NOVA1: variants seen among roughly 807,000 people sequenced by gnomAD.
NOVA1 encodes NOVA alternative splicing regulator 1, also known as RNA-binding protein Nova-1.
Under a neutral mutation model 38.0 loss-of-function variants are expected in NOVA1, and 7 were observed. The ratio of observed to expected loss-of-function variants is 0.18; its 90% CI spans 0.10 to 0.35. The LOEUF (loss-of-function observed/expected upper bound fraction) is 0.35, where lower values mean the gene tolerates loss of function less well. NOVA1 is among the 10% of genes least tolerant of loss of function. The pLI is 1.00. For synonymous variants in NOVA1, 270 were observed against 232.5 expected (o/e 1.16, Z -1.47); for missense variants, 460 against 616.0 (o/e 0.75, Z 2.68).
chr14:26,572,093 A>T (rs1304398270), intron 2 of NOVA1, among the ~76,000 whole-genome samples: 1 of 152,190 alleles, frequency 6.6e-6, no homozygotes, highest in Non-Finnish European at 1.5e-5. Flanking sequence ...TTTAATAATC[A>T]AAATGAATGG....
chr14:26,500,889 T>C (rs1273045), intron 2 of NOVA1, among the ~76,000 whole-genome samples: 1 of 151,840 alleles, frequency 6.6e-6, no homozygotes, highest in Admixed American at 6.6e-5. Flanking sequence ...ATGAAAAAAA[T>C]ATATCTCTGG....
In NOVA1 at chr14:26,597,716, GAAGA is replaced by G. The variant is rs1261617626; in HGVS notation, c.-284_-281del. ...TGAGAGACGGAGGGTGAAAGAAGAA[GAAGA>G]AAGGAGACAGGGGGAGAGAGTGGAG... On this transcript the variant is annotated 5_prime_UTR_variant, in exon 1 of 5. Coordinates refer to ENST00000539517, the MANE Select transcript of NOVA1 (RefSeq NM_002515.3). 1.8e-6 allele frequency: 2 copies of G among 1,087,590 alleles called. No homozygotes were observed. Among genetic ancestry groups the G allele is most frequent in the East Asian group, 5.6e-5 (1 of 17,998 alleles). The allele number at this position is 1,087,590 out of a possible 1,614,324, so 67.4% of individuals were successfully genotyped here.
Position 26,448,607 on chromosome 14 carries a change from A to G in NOVA1, c.876T>C (p.Ala292=). Residue 292 remains alanine (A), a synonymous_variant, in exon 5 of 5, where the codon GCT becomes GCC. Transcript: ENST00000539517. The surrounding 1 kb of genome is among the most constrained non-coding windows in gnomAD (Gnocchi z 5.3). The part of the protein sequence containing the change: ...AAAAAGLLGH[A]NLAGVAAFPA... ...GAAAGGCTGCAACGCCAGCAAGGTT[A>G]GCATGTCCTAATAGCCCTGCAGCTG... is the stretch of plus-strand genomic sequence containing the variant. 2 of 1,614,240 alleles carry G rather than the reference A, an allele frequency of 1.2e-6. No homozygotes were observed. Among genetic ancestry groups the G allele is most frequent in the East Asian group, 4.5e-5 (2 of 44,888 alleles).
At chr14:26,519,912 ATGGGGTACAT>A (rs561829463) in intron 2 of NOVA1, among the ~76,000 whole-genome samples, 241 of 152,264 alleles carry the variant, frequency 1.6e-3, no homozygotes, top group African/African-American at 5.4e-3. Context: ...ATAATGAAGA[ATGGGGTACAT>A]TTTCTGTTGA....
chr14:26,527,908 A>G (rs1211469989), intron 2 of NOVA1, among the ~76,000 whole-genome samples: 1 of 152,214 alleles, frequency 6.6e-6, no homozygotes, highest in East Asian at 1.9e-4. Context: ...GGCAAGAGGT[A>G]CAATGAAAGA....
In NOVA1 at chr14:26,517,036, G is replaced by C. The variant is rs373020145; in HGVS notation, c.281-36893C>G. On this transcript the variant is annotated intron_variant, in intron 2 of 4. Coordinates refer to ENST00000539517, the MANE Select transcript of NOVA1 (RefSeq NM_002515.3). ...TTCTCCTGCCTCAGCCTTCCGAGTA[G>C]CTGGGACTACAGGTATGTGCCACCA... Among the ~76,000 whole-genome samples, 11 of 151,820 alleles carry C rather than the reference G, an allele frequency of 7.2e-5. No homozygotes were observed. In the East Asian group the frequency reaches 2.1e-3, roughly 30 times the overall value.
intron 4 of NOVA1, among the ~76,000 whole-genome samples, chr14:26,456,196 T>C (rs1302837992): frequency 6.6e-6 from 1 of 152,052 alleles, no homozygotes; most frequent in Non-Finnish European, 1.5e-5. Context: ...AACATTAAAA[T>C]TAAAAAGTAA....
intron 2 of NOVA1, among the ~76,000 whole-genome samples, chr14:26,533,139 T>G (rs1472566580): frequency 6.6e-6 from 1 of 152,212 alleles, no homozygotes; most frequent in Non-Finnish European, 1.5e-5. Context: ...AGGAAAACAT[T>G]TTGTTCTAAT....
At chr14:26,477,186 T>C (rs1885055528) in intron 3 of NOVA1, among the ~76,000 whole-genome samples, 1 of 152,230 alleles carries the variant, frequency 6.6e-6, no homozygotes, top group Non-Finnish European at 1.5e-5. Context: ...TCATAATTAT[T>C]CATGCCCATG....
chr14:26,597,157 G>C, intron 1 of NOVA1, 144 bp downstream of exon 1: 1 of 1,196,414 alleles, frequency 8.4e-7, no homozygotes, highest in Non-Finnish European at 1.0e-6. Flanking sequence ...CGCGGGGCAG[G>C]GGCGCAGGGG....
intron 4 of NOVA1, among the ~76,000 whole-genome samples, chr14:26,460,328 C>T (rs1363129526): frequency 6.6e-6 from 1 of 151,796 alleles, no homozygotes; most frequent in Admixed American, 6.6e-5. Context: ...TAAAAGATTA[C>T]TGAAACACAT....
At chr14:26,502,967 T>A (rs1291285433) in intron 2 of NOVA1, among the ~76,000 whole-genome samples, 2 of 152,076 alleles carry the variant, frequency 1.3e-5, no homozygotes, top group Non-Finnish European at 2.9e-5. Context: ...TGAGGATCAA[T>A]CAAGGATCAT....
chr14:26,454,690 T>C (rs1200026165), intron 4 of NOVA1, among the ~76,000 whole-genome samples: 3 of 152,226 alleles, frequency 2.0e-5, no homozygotes, highest in African/African-American at 7.2e-5. Flanking sequence ...ACATTCTTTT[T>C]ATATCATGCA....
rs1881819282 is a variant in NOVA1, at chr14:26,443,202, C to T, written c.*4757G>A. The T allele has an allele frequency of 1.3e-5, 2 of 151,938 alleles. No individual in the cohort carries two copies. The highest frequency in any genetic ancestry group is 4.1e-4 in the South Asian group (2 of 4,830). 9.4% of individuals were successfully genotyped at this position (151,938 alleles called of 1,614,324 possible). ...CTTAAAACGTGTTCCACAGTTTTTGCTTGTTTATATATCTATGGTAACCCA... is the reference window on the plus strand; with the variant it reads ...CTTAAAACGTGTTCCACAGTTTTTGTTTGTTTATATATCTATGGTAACCCA... On this transcript the variant is annotated 3_prime_UTR_variant, in exon 5 of 5. Transcript: ENST00000539517.
intron 3 of NOVA1, among the ~76,000 whole-genome samples, chr14:26,472,991 C>T (rs746004913): frequency 6.6e-6 from 1 of 151,508 alleles, no homozygotes; most frequent in African/African-American, 2.4e-5. Flanking sequence ...ATTTAAGGCC[C>T]GTCTGAAAAT....
At chr14:26,472,204 T>G in intron 4 of NOVA1, 116 bp downstream of exon 4, 1 of 675,584 alleles carries the variant, frequency 1.5e-6, no homozygotes. Flanking sequence ...GGAATCTGAC[T>G]ATGGTGCATA....
chr14:26,572,165 C>T (rs896158748), intron 2 of NOVA1, among the ~76,000 whole-genome samples: 5 of 152,112 alleles, frequency 3.3e-5, no homozygotes, highest in African/African-American at 1.2e-4. Flanking sequence ...ATATAAAGTA[C>T]AGTTGTAAGT....
rs551020680 is a variant in NOVA1 at position 26,558,641 on chromosome 14, T to TA, written c.280+36768dup. Among the ~76,000 whole-genome samples the TA allele has an allele frequency of 3.8e-3, 581 of 152,232 alleles. 3 individuals carry two copies. The highest frequency in any genetic ancestry group is 0.013 in the African/African-American group (546 of 41,562). Reference sequence around the variant, plus strand: ...CAGTAATAGTCAATAATCCATGACATACTCTATGACAAACTATGACATAAA... The same window carrying TA: ...CAGTAATAGTCAATAATCCATGACATAACTCTATGACAAACTATGACATAAA... On this transcript the variant is annotated intron_variant, in intron 2 of 4. Coordinates refer to ENST00000539517, the MANE Select transcript of NOVA1 (RefSeq NM_002515.3).
At chr14:26,575,835 AATAAG>A (rs1199902898) in intron 2 of NOVA1, among the ~76,000 whole-genome samples, 30 of 152,036 alleles carry the variant, frequency 2.0e-4, no homozygotes, top group African/African-American at 5.1e-4. Flanking sequence ...TTATGTGGAA[AATAAG>A]ATAAATGTTT....
Sources: gnomAD v4.1 joint callset for allele counts (sites outside exome capture counted in the v4.1 genomes callset) on GRCh38, gnomAD v4.1.1 for gene constraint, Gnocchi (gnomAD v3.1) non-coding constraint, MANE v1.5 for transcripts, NCBI Gene and HGNC (gene_info 2026-07-23, HGNC 2026-07-21) for gene names.